The following SOX6 variants were observed in gnomAD, a reference collection of about 807,000 sequenced individuals.
SOX6 encodes SRY-box transcription factor 6, also known as transcription factor SOX-6.
Under a neutral mutation model 97.8 loss-of-function variants are expected in SOX6, and 11 were observed. That is an observed-to-expected ratio of 0.11 (90% CI 0.07 to 0.19). The LOEUF is 0.19. Ranked by LOEUF, SOX6 falls within the 10% of genes least tolerant of loss-of-function variation. The pLI, the probability that SOX6 is intolerant of heterozygous loss-of-function variation, is 1.00. For missense variants in SOX6, 810 were observed against 1,039.5 expected (o/e 0.78, Z 3.04); for synonymous variants, 360 against 371.4 (o/e 0.97, Z 0.35).
At chr11:16,483,911 C>A (rs1468033274) in intron 4 of SOX6, among the ~76,000 whole-genome samples, 7 of 152,194 alleles carry the variant, frequency 4.6e-5, no homozygotes, top group African/African-American at 1.7e-4. Flanking sequence ...GGGATCACCA[C>A]CAAGTTCCTC....
intron 2 of SOX6, among the ~76,000 whole-genome samples, chr11:16,725,091 GA>G (rs1244656338): frequency 6.6e-6 from 1 of 152,120 alleles, no homozygotes; most frequent in Non-Finnish European, 1.5e-5. Flanking sequence ...ATTCATAATA[GA>G]AAAAAGTAGA....
chr11:16,693,261 A>C (rs1223614823), intron 3 of SOX6, among the ~76,000 whole-genome samples: 9 of 152,184 alleles, frequency 5.9e-5, no homozygotes, highest in Non-Finnish European at 1.3e-4. Context: ...TAAAAAATTG[A>C]GACCCAACAA....
intron 2 of SOX6, among the ~76,000 whole-genome samples, chr11:16,729,785 T>C (rs887734120): frequency 6.6e-6 from 1 of 151,870 alleles, no homozygotes; most frequent in Non-Finnish European, 1.5e-5. Context: ...GACTGGCAAA[T>C]TGGATAAAGA....
At chr11:16,197,236 T>C (rs1000781679) in intron 4 of SOX6, among the ~76,000 whole-genome samples, 2 of 152,132 alleles carry the variant, frequency 1.3e-5, no homozygotes, top group African/African-American at 4.8e-5. Context: ...ATCAGCAAAC[T>C]AGAGAGTCCA....
At chr11:16,495,652 T>C (rs374720473) in intron 4 of SOX6, among the ~76,000 whole-genome samples, 3 of 151,994 alleles carry the variant, frequency 2.0e-5, no homozygotes, top group Non-Finnish European at 4.4e-5. Flanking sequence ...AAAAGGTTGT[T>C]CCCCCACTGC....
At chr11:16,309,021 C>A (rs1019084673) in intron 3 of SOX6, among the ~76,000 whole-genome samples, 1 of 152,212 alleles carries the variant, frequency 6.6e-6, no homozygotes, top group African/African-American at 2.4e-5. Flanking sequence ...ACAGTTAAAG[C>A]TTTCAGGAAT....
In SOX6 at chr11:16,499,816, T is replaced by C. The variant is rs542935866; in HGVS notation, n.610-23428A>G. Among the ~76,000 whole-genome samples, 705 of 152,180 alleles carry C rather than the reference T, an allele frequency of 4.6e-3. 9 individuals carry two copies. The highest frequency in any genetic ancestry group is 0.016 in the African/African-American group (666 of 41,514). ...CAGGCTCTGAAATTGAGGCAATAATTAATAGCTTACCAACCAAAAAAAGTC... is the reference window on the plus strand; with the variant it reads ...CAGGCTCTGAAATTGAGGCAATAATCAATAGCTTACCAACCAAAAAAAGTC... On this transcript the variant is annotated intron_variant and non_coding_transcript_variant, in intron 4 of 5. Transcript: ENST00000524520.
intron 4 of SOX6, among the ~76,000 whole-genome samples, chr11:16,596,038 T>A (rs542107834): frequency 8.3e-4 from 127 of 152,200 alleles, no homozygotes; most frequent in African/African-American, 2.9e-3. Flanking sequence ...TTGGAAAAAC[T>A]TAATTATAAA....
chr11:16,341,514 T>C (rs1856634751), intron 1 of SOX6, among the ~76,000 whole-genome samples: 1 of 152,064 alleles, frequency 6.6e-6, no homozygotes, highest in Non-Finnish European at 1.5e-5. Context: ...CAGAGTAAGT[T>C]TTCATAATGG....
chr11:16,402,623 C>T, intron 1 of SOX6: 1 of 1,584,028 alleles, frequency 6.3e-7, no homozygotes, highest in Non-Finnish European at 8.7e-7. Context: ...TGAAGTTACC[C>T]TTTCATTTTT....
At chr11:16,676,886 T>A (rs1438416595) in intron 3 of SOX6, among the ~76,000 whole-genome samples, 1 of 141,032 alleles carries the variant, frequency 7.1e-6, no homozygotes, top group Non-Finnish European at 1.5e-5. Context: ...CTTTCTCAGG[T>A]TTTTTTTTTT....
intron 3 of SOX6, among the ~76,000 whole-genome samples, chr11:16,269,445 C>G (rs1468626198): frequency 6.6e-6 from 1 of 150,580 alleles, no homozygotes; most frequent in Non-Finnish European, 1.5e-5. Context: ...ACTTGACTAG[C>G]CTCATCATAA....
At chr11:16,302,829 C>A (rs1855304739) in intron 3 of SOX6, among the ~76,000 whole-genome samples, 2 of 152,072 alleles carry the variant, frequency 1.3e-5, no homozygotes, top group African/African-American at 4.8e-5. Context: ...CTCGGTCTCC[C>A]AAAGTGCTGG....
intron 9 of SOX6, among the ~76,000 whole-genome samples, chr11:16,074,782 G>A (rs548373981): frequency 2.3e-4 from 35 of 152,202 alleles, no homozygotes; most frequent in South Asian, 1.7e-3. Context: ...TTGTTAAAAT[G>A]GCCATACTGC....
chr11:16,108,429 G>T (rs1246718311), intron 7 of SOX6, among the ~76,000 whole-genome samples: 1 of 152,100 alleles, frequency 6.6e-6, no homozygotes, highest in Non-Finnish European at 1.5e-5. Context: ...ATCTTGATTG[G>T]ATATACACAT....
chr11:16,711,884 C>T (rs1238711913), intron 3 of SOX6, among the ~76,000 whole-genome samples: 1 of 152,060 alleles, frequency 6.6e-6, no homozygotes, highest in Non-Finnish European at 1.5e-5. Flanking sequence ...CACTTCCCCG[C>T]AAATCCCCGA....
chr11:16,041,634 TA>T (rs962746935), intron 12 of SOX6, among the ~76,000 whole-genome samples: 1 of 152,126 alleles, frequency 6.6e-6, no homozygotes, highest in Non-Finnish European at 1.5e-5. Context: ...CAAGCTTTTC[TA>T]AAAAAATTAT....
chr11:16,280,010 A>G lies in SOX6; in HGVS notation c.445+38436T>C, dbSNP rs746079572. Among the ~76,000 whole-genome samples the G allele has an allele frequency of 7.2e-5, 11 of 152,264 alleles. No individual in the cohort carries two copies. The South Asian group carries it at 1.5e-3, about 20-fold the overall frequency. On this transcript the variant is annotated intron_variant, in intron 3 of 15. Transcript: ENST00000683767. ...AAAGCTTCAGTCCACACGTCATTTGAAAACAAAGTTTTTCAATGGTAAGCA... is the reference window on the plus strand; with the variant it reads ...AAAGCTTCAGTCCACACGTCATTTGGAAACAAAGTTTTTCAATGGTAAGCA...
chr11:16,450,021 T>A (rs1859689993), intron 1 of SOX6, among the ~76,000 whole-genome samples: 1 of 152,162 alleles, frequency 6.6e-6, no homozygotes, highest in Non-Finnish European at 1.5e-5. Context: ...CAAATCACCA[T>A]CTACAACCTG....
Sources: gnomAD v4.1 joint callset for allele counts (sites outside exome capture counted in the v4.1 genomes callset) on GRCh38, gnomAD v4.1.1 for gene constraint, MANE v1.5 for transcripts, NCBI Gene and HGNC (gene_info 2026-07-23, HGNC 2026-07-21) for gene names.